SMAP2: variants seen among roughly 807,000 people sequenced by gnomAD.
SMAP2 encodes the protein stromal membrane-associated protein 2.
A neutral mutation model predicts 56.4 loss-of-function variants in SMAP2; 25 were observed. The ratio of observed to expected loss-of-function variants is 0.44; its 90% CI spans 0.32 to 0.62. SMAP2 has a LOEUF of 0.62. Ranked by LOEUF, SMAP2 falls within the 20% of genes least tolerant of loss-of-function variation. SMAP2 has a pLI of 0.04. For synonymous variants in SMAP2, 157 were observed against 181.7 expected, an observed-to-expected ratio of 0.86 and a Z score of 1.09; for missense variants, 388 against 545.6, an observed-to-expected ratio of 0.71 and a Z score of 2.88.
intron 9 of SMAP2, among the ~76,000 whole-genome samples, chr1:40,418,758 T>A (rs1569930673): frequency 6.6e-6 from 1 of 152,210 alleles, no homozygotes; most frequent in South Asian, 2.1e-4. Flanking sequence ...AGTAGTATTT[T>A]AAAGACACTC....
chr1:40,410,879 A>AATTGGCTATT (rs916542544), intron 4 of SMAP2, among the ~76,000 whole-genome samples: 1 of 152,256 alleles, frequency 6.6e-6, no homozygotes, highest in Non-Finnish European at 1.5e-5. Flanking sequence ...TCTTAGGAAT[A>AATTGGCTATT]ATTGGCTATT....
In SMAP2 at chr1:40,353,157, G is replaced by A. The variant is rs76684264; in HGVS notation, c.-83+8247G>A. On this transcript the variant is annotated intron_variant, in intron 1 of 6. Coordinates refer to the SMAP2 transcript ENST00000435168. ...CATGCAACCTAGTTTTGGCCAAGGA[G>A]TCTTAAGGGAAAGACTGCTGTGAGC... 2.7e-3 allele frequency among the ~76,000 whole-genome samples: 406 copies of A among 152,326 alleles called. 2 individuals are homozygous for A. Among genetic ancestry groups the A allele is most frequent in the African/African-American group, 9.4e-3 (391 of 41,576 alleles).
At position 40,417,039 on chromosome 1, in the gene SMAP2, G is replaced by GC. The variant is rs1644995268; in HGVS notation, c.1111dup (p.Gln371ProfsTer84). 6.2e-7 allele frequency: 1 copy of GC among 1,613,874 alleles called. No individual in the cohort carries two copies. On this transcript the variant is annotated frameshift_variant, in exon 9 of 10. Transcript: ENST00000372718. LOFTEE classifies it high-confidence loss of function. The stretch of plus-strand genomic sequence containing the variant: ...GCTACATGGCAGGCATGGCAGCTAT[G>GC]CCCCAGACTGTGTATGGGGTCCAGC...
chr1:40,360,979 A>G (rs189421877), intron 1 of SMAP2, among the ~76,000 whole-genome samples: 3 of 152,346 alleles, frequency 2.0e-5, no homozygotes, highest in African/African-American at 7.2e-5. Context: ...AAGCCAGTGG[A>G]CATGGGGGGC....
chr1:40,415,952 T>C (rs952299348), intron 7 of SMAP2, among the ~76,000 whole-genome samples: 2 of 152,206 alleles, frequency 1.3e-5, no homozygotes, highest in East Asian at 3.8e-4. Flanking sequence ...GTTTTGTTTG[T>C]TTGTTCCTAC....
At position 40,422,744 on chromosome 1, in the gene SMAP2, T is replaced by C. The variant is rs1645055452; in HGVS notation, c.*643T>C. 1 of 152,676 alleles carries C rather than the reference T, an allele frequency of 6.5e-6. No homozygotes were observed. The highest frequency in any genetic ancestry group is 1.5e-5 in the Non-Finnish European group (1 of 68,460). The allele number at this position is 152,676 out of a possible 1,614,324, so 9.5% of individuals were successfully genotyped here. On this transcript the variant is annotated 3_prime_UTR_variant, in exon 10 of 10. Coordinates refer to ENST00000372718, the MANE Select transcript of SMAP2 (RefSeq NM_022733.3). ...GACTTGCTGCTTCAGTCAGCCTTTA[T>C]TAGCACCAAAGACTTTATGAAGATC...
Position 40,374,028 on chromosome 1 carries a change from C to A in SMAP2, c.-93C>A. ...TCCCCGCTCAGGAGGTGCCCCTGGGCGGGGGACCGGGAGTCCTCAACCCCG... is the reference window on the plus strand; with the variant it reads ...TCCCCGCTCAGGAGGTGCCCCTGGGAGGGGGACCGGGAGTCCTCAACCCCG... On this transcript the variant is annotated 5_prime_UTR_variant, in exon 1 of 10. Transcript: ENST00000372718. This position sits in a 1 kb window ranked among gnomAD's most constrained non-coding sequence, Gnocchi z 5.9. The A allele has an allele frequency of 1.1e-6, 1 of 941,736 alleles. No homozygotes were observed. The highest frequency in any genetic ancestry group is 1.7e-6 in the Non-Finnish European group (1 of 602,340). The allele number at this position is 941,736 out of a possible 1,614,324, so 58.3% of individuals were successfully genotyped here.
At chr1:40,391,659 A>G (rs560911509) in intron 1 of SMAP2, among the ~76,000 whole-genome samples, 28 of 152,274 alleles carry the variant, frequency 1.8e-4, no homozygotes, top group African/African-American at 6.5e-4. Flanking sequence ...TGAGGAATCT[A>G]TCCTAGGGAT....
chr1:40,394,967 G>T (rs1644755893), intron 1 of SMAP2, among the ~76,000 whole-genome samples: 1 of 152,092 alleles, frequency 6.6e-6, no homozygotes, highest in Non-Finnish European at 1.5e-5. Flanking sequence ...TGTGAGTCAG[G>T]AACATGACAA....
intron 1 of SMAP2, among the ~76,000 whole-genome samples, chr1:40,355,620 C>T (rs1386193415): frequency 6.6e-6 from 1 of 152,070 alleles, no homozygotes; most frequent in Non-Finnish European, 1.5e-5. Context: ...GTTGTGCTAT[C>T]TAATACTAGA....
chr1:40,412,242 T>C (rs1390385340), intron 4 of SMAP2, among the ~76,000 whole-genome samples: 1 of 152,214 alleles, frequency 6.6e-6, no homozygotes, highest in Non-Finnish European at 1.5e-5. Flanking sequence ...GATTTCAACA[T>C]TTGTCTCTTC....
At chr1:40,393,285 C>T (rs1644734933) in intron 1 of SMAP2, 1 of 1,487,098 alleles carries the variant, frequency 6.7e-7, no homozygotes, top group Non-Finnish European at 8.9e-7. Flanking sequence ...CTAGCTTGGG[C>T]AACAAAGCAA....
At chr1:40,359,334 C>T (rs531248396) in intron 1 of SMAP2, among the ~76,000 whole-genome samples, 12 of 152,330 alleles carry the variant, frequency 7.9e-5, no homozygotes, top group African/African-American at 2.9e-4. Flanking sequence ...AACTCCTGAC[C>T]TCAGGTGACC....
Position 40,416,814 on chromosome 1 carries a change from C to T in SMAP2, c.882C>T (p.Pro294=). Residue 294 remains proline, a synonymous_variant, in exon 9 of 10, where the codon CCC becomes CCT. Transcript: ENST00000372718. ...TGGCTCCCGCTCAGATGGCATATCC[C>T]ACAGCCTACCCCAGCTTCCCCGGGG... The part of the protein sequence containing the change: ...MFMAPAQMAY[P]TAYPSFPGVT... 6.2e-7 allele frequency: 1 copy of T among 1,608,252 alleles called. No individual in the cohort carries two copies. Among genetic ancestry groups the T allele is most frequent in the Non-Finnish European group, 8.5e-7 (1 of 1,175,096 alleles).
At chr1:40,406,535 T>A (rs1644887699) in intron 1 of SMAP2, among the ~76,000 whole-genome samples, 1 of 152,180 alleles carries the variant, frequency 6.6e-6, no homozygotes, top group Non-Finnish European at 1.5e-5. Context: ...GTGAATATAT[T>A]AAAAACCACT....
chr1:40,421,967 C>T lies in SMAP2; in HGVS notation c.1165-9C>T. The T allele has an allele frequency of 6.2e-7, 1 of 1,614,146 alleles. No individual in the cohort carries two copies. Among genetic ancestry groups the T allele is most frequent in the Non-Finnish European group, 8.5e-7 (1 of 1,180,000 alleles). ...AGCCTGGTCTGAAAGTCTCCTCTCT[C>T]CCTTTCAGATGACCCAGCAGATGGC... On this transcript the variant is annotated splice_polypyrimidine_tract_variant and intron_variant, in intron 9 of 9. Transcript: ENST00000372718.
chr1:40,383,813 CAG>C (rs1295369512), intron 1 of SMAP2, among the ~76,000 whole-genome samples: 1 of 152,128 alleles, frequency 6.6e-6, no homozygotes, highest in Non-Finnish European at 1.5e-5. Flanking sequence ...TACAACTGGA[CAG>C]CTTGAGTTAG....
chr1:40,421,477 C>G (rs1171499903), intron 9 of SMAP2, among the ~76,000 whole-genome samples: 1 of 152,028 alleles, frequency 6.6e-6, no homozygotes, highest in Non-Finnish European at 1.5e-5. Context: ...CCGCCACCGC[C>G]TTTGTTCATT....
intron 1 of SMAP2, among the ~76,000 whole-genome samples, chr1:40,396,018 A>C (rs1011638775): frequency 6.6e-6 from 1 of 152,206 alleles, no homozygotes; most frequent in African/African-American, 2.4e-5. Flanking sequence ...TAATCACAGC[A>C]GTCTGTCTAA....
Sources: gnomAD v4.1 joint callset for allele counts (sites outside exome capture counted in the v4.1 genomes callset) on GRCh38, gnomAD v4.1.1 for gene constraint, Gnocchi (gnomAD v3.1) non-coding constraint, MANE v1.5 for transcripts, NCBI Gene and HGNC (gene_info 2026-07-23, HGNC 2026-07-21) for gene names.